PRH1: variants seen among roughly 807,000 people sequenced by gnomAD.
The protein encoded by PRH1 is salivary acidic proline-rich phosphoprotein 1/2.
PRH1 carries 7 observed loss-of-function variants against 7.9 expected under a neutral mutation model. That is an observed-to-expected ratio of 0.89 (90% CI 0.50 to 1.67). The LOEUF (loss-of-function observed/expected upper bound fraction) is 1.67, where lower values mean the gene tolerates loss of function less well. Among genes scored for constraint, PRH1 ranks in the 40% most tolerant of loss-of-function variants. The pLI, the probability that PRH1 is intolerant of heterozygous loss-of-function variation, is 0.00. For missense variants in PRH1, 109 were observed against 223.6 expected (o/e 0.49, Z 3.27); for synonymous variants, 45 against 80.8 (o/e 0.56, Z 2.38).
At chr12:11,080,437 CATT>C (rs1401236100) in intron 1 of PRH1, among the ~76,000 whole-genome samples, 233 of 79,058 alleles carry the variant, frequency 2.9e-3, no homozygotes, top group Admixed American at 4.4e-3. Flanking sequence ...CTACAATGAG[CATT>C]CTTTCACATA....
chr12:10,978,900 A>AAAACAAAC (rs138083935), intron 1 of PRH1, among the ~76,000 whole-genome samples: 2 of 151,110 alleles, frequency 1.3e-5, no homozygotes, highest in African/African-American at 2.4e-5. Context: ...TGCCTATTAC[A>AAAACAAAC]AAACAAACAA....
chr12:10,972,928 A>ACCC (rs199859766), intron 2 of PRH1, among the ~76,000 whole-genome samples: 2,009 of 98,706 alleles, frequency 0.02, 37 homozygotes, highest in East Asian at 0.032. Flanking sequence ...AAGCACCACA[A>ACCC]CCCACCCCCC....
intron 1 of PRH1, among the ~76,000 whole-genome samples, chr12:11,002,853 T>C (rs866364207): frequency 3.3e-5 from 5 of 152,104 alleles, no homozygotes. Context: ...CATAGTATTG[T>C]GATCTTTGAA....
intron 2 of PRH1, among the ~76,000 whole-genome samples, chr12:10,969,977 T>G (rs1298562765): frequency 6.6e-6 from 1 of 152,120 alleles, no homozygotes; most frequent in African/African-American, 2.4e-5. Context: ...ATTTTTGTAT[T>G]TTTAAGCAGA....
At chr12:11,062,165 CAA>C (rs1370316790) in intron 1 of PRH1, 1 of 1,613,490 alleles carries the variant, frequency 6.2e-7, no homozygotes, top group Non-Finnish European at 8.5e-7. Flanking sequence ...ATTTGGTCAG[CAA>C]AAGAGATCTT....
chr12:10,914,472 C>T (rs1949945637), intron 2 of PRH1, among the ~76,000 whole-genome samples: 2 of 152,144 alleles, frequency 1.3e-5, no homozygotes, highest in Non-Finnish European at 2.9e-5. Context: ...GGATCAGGAA[C>T]AAGGGTGACA....
chr12:10,954,788 C>T (rs952976457), intron 2 of PRH1, among the ~76,000 whole-genome samples: 3 of 152,092 alleles, frequency 2.0e-5, no homozygotes, highest in Non-Finnish European at 2.9e-5. Flanking sequence ...TGATAATCTA[C>T]TTTCATACAA....
chr12:11,060,020 T>A (rs1040070757), intron 1 of PRH1, among the ~76,000 whole-genome samples: 3 of 152,100 alleles, frequency 2.0e-5, no homozygotes, highest in African/African-American at 7.2e-5. Flanking sequence ...TCATCTCTGA[T>A]CTGATTTTAC....
At position 10,939,033 on chromosome 12, in the gene PRH1, C is replaced by T. The variant is rs1950346609; in HGVS notation, c.-59+34622G>A. The T allele has an allele frequency of 1.2e-6, 2 of 1,613,666 alleles. No homozygotes were observed. Among genetic ancestry groups the T allele is most frequent in the Admixed American group, 3.3e-5 (2 of 59,890 alleles). ...CACCAGCTTCCGAATATTAACCAAA[C>T]CAGGCTAATTCGAGAGATTGCCAAA... On this transcript the variant is annotated intron_variant, in intron 2 of 3. Coordinates refer to the PRH1 transcript ENST00000539853.
intron 1 of PRH1, among the ~76,000 whole-genome samples, chr12:11,093,475 G>A (rs2136268195): frequency 1.7e-5 from 2 of 116,092 alleles, no homozygotes; most frequent in South Asian, 4.7e-4. Flanking sequence ...CCAAGAGGCT[G>A]TGCAGATGAA....
At chr12:11,071,825 T>A (rs1329019728) in intron 1 of PRH1, among the ~76,000 whole-genome samples, 1 of 152,166 alleles carries the variant, frequency 6.6e-6, no homozygotes. Flanking sequence ...GACCCCTGCA[T>A]GGTAGAAAAG....
At chr12:10,932,787 T>C (rs1950232659) in intron 2 of PRH1, among the ~76,000 whole-genome samples, 2 of 152,162 alleles carry the variant, frequency 1.3e-5, no homozygotes, top group Non-Finnish European at 2.9e-5. Flanking sequence ...ATGGATTTCA[T>C]CAAGGCGGCA....
rs749609813 is a variant in PRH1 at position 10,884,225 on chromosome 12, G to A, written c.-8C>T. 2.0e-5 allele frequency: 32 copies of A among 1,614,064 alleles called. No homozygotes were observed. In the Admixed American group the frequency reaches 2.7e-4, roughly 13 times the overall value. ...CAGCAGAATCAGAAGCATCTTGCAG[G>A]AGGCTCTGGTGTCACTCCCAACTTT... On this transcript the variant is annotated 5_prime_UTR_variant, in exon 1 of 4. Coordinates refer to ENST00000543626, the MANE Select transcript of PRH1 (RefSeq NM_001393989.1).
chr12:10,910,833 A>G (rs1056405290), intron 2 of PRH1, among the ~76,000 whole-genome samples: 4 of 152,224 alleles, frequency 2.6e-5, no homozygotes, highest in African/African-American at 7.2e-5. Context: ...ATAAAGATAT[A>G]ATTTGTGAAT....
At chr12:10,953,952 C>T (rs1937819526) in intron 2 of PRH1, among the ~76,000 whole-genome samples, 1 of 152,090 alleles carries the variant, frequency 6.6e-6, no homozygotes, top group East Asian at 1.9e-4. Context: ...GATGGGGGCT[C>T]ATATTCAGAA....
intron 1 of PRH1, among the ~76,000 whole-genome samples, chr12:11,110,723 C>T (rs1421536745): frequency 6.6e-6 from 1 of 152,062 alleles, no homozygotes; most frequent in Non-Finnish European, 1.5e-5. Flanking sequence ...AGACCATTGG[C>T]ACTATGAAGA....
At chr12:11,126,601 A>T (rs994531096) in intron 1 of PRH1, among the ~76,000 whole-genome samples, 7 of 150,978 alleles carry the variant, frequency 4.6e-5, no homozygotes, top group African/African-American at 1.5e-4. Context: ...ATGTATTCTG[A>T]TAAGAGTGCA....
At chr12:11,008,786 G>A (rs7302419) in intron 1 of PRH1, among the ~76,000 whole-genome samples, 46,170 of 151,464 alleles carry the variant, frequency 0.3, 8,873 homozygotes, top group East Asian at 0.74. Context: ...ATATATACTT[G>A]GACAGCTTCT....
intron 1 of PRH1, among the ~76,000 whole-genome samples, chr12:11,068,173 A>G (rs1310771456): frequency 2.7e-5 from 4 of 148,756 alleles, no homozygotes; most frequent in Non-Finnish European, 6.0e-5. Flanking sequence ...GACACTCCCA[A>G]TATATGTCTT....
Sources: gnomAD v4.1 joint callset for allele counts (sites outside exome capture counted in the v4.1 genomes callset) on GRCh38, gnomAD v4.1.1 for gene constraint, MANE v1.5 for transcripts, NCBI Gene and HGNC (gene_info 2026-07-23, HGNC 2026-07-21) for gene names.